CXADR: variants seen among roughly 807,000 people sequenced by gnomAD.
CXADR encodes the protein coxsackievirus and adenovirus receptor.
In CXADR, 20 loss-of-function variants were observed where a neutral mutation model predicts 40.3. The ratio of observed to expected loss-of-function variants is 0.50; its 90% CI spans 0.35 to 0.72. The LOEUF (loss-of-function observed/expected upper bound fraction) is 0.72, where lower values mean the gene tolerates loss of function less well. CXADR is among the 30% of genes least tolerant of loss of function. The pLI is 0.01. For synonymous variants in CXADR, 150 were observed against 161.3 expected, an observed-to-expected ratio of 0.93 and a Z score of 0.53; for missense variants, 332 against 449.1, an observed-to-expected ratio of 0.74 and a Z score of 2.36.
At chr21:17,580,690 T>C (rs2061354125) in intron 7 of CXADR, among the ~76,000 whole-genome samples, 1 of 152,182 alleles carries the variant, frequency 6.6e-6, no homozygotes, top group South Asian at 2.1e-4. Context: ...GACCCTGCAC[T>C]ATTATACTTA....
intron 1 of CXADR, among the ~76,000 whole-genome samples, chr21:17,519,761 C>T (rs1413509770): frequency 6.6e-6 from 1 of 152,018 alleles, no homozygotes; most frequent in Non-Finnish European, 1.5e-5. Flanking sequence ...TTTTCAGCTC[C>T]CAGCCTGGCC....
chr21:17,542,271 T>A (rs2060839701), intron 1 of CXADR, among the ~76,000 whole-genome samples: 1 of 152,222 alleles, frequency 6.6e-6, no homozygotes, highest in African/African-American at 2.4e-5. Context: ...ACCACCTAGG[T>A]TAACAAACAG....
At chr21:17,535,987 G>A (rs560281272) in intron 1 of CXADR, among the ~76,000 whole-genome samples, 2 of 152,262 alleles carry the variant, frequency 1.3e-5, no homozygotes, top group Non-Finnish European at 2.9e-5. Context: ...TAGCCTGGGT[G>A]ACAGAGCCAG....
At chr21:17,596,828 G>A (rs1397320507), downstream of CXADR, among the ~76,000 whole-genome samples, 2 of 152,038 alleles carry the variant, frequency 1.3e-5, no homozygotes, top group Non-Finnish European at 2.9e-5. Context: ...TATTTCAGGA[G>A]AACTGACACA....
chr21:17,539,935 C>T (rs1199554499), intron 1 of CXADR, among the ~76,000 whole-genome samples: 4 of 152,178 alleles, frequency 2.6e-5, no homozygotes, highest in African/African-American at 9.6e-5. Context: ...TCTGCTCAGG[C>T]TGCCGTAACA....
chr21:17,599,909 T>A, the CXADR span, among the ~76,000 whole-genome samples: 1 of 152,200 alleles, frequency 6.6e-6, no homozygotes, highest in Non-Finnish European at 1.5e-5. Flanking sequence ...CTCACAAAAA[T>A]GAGAACTGAG....
intron 7 of CXADR, among the ~76,000 whole-genome samples, chr21:17,587,522 G>C (rs2061406387): frequency 6.6e-6 from 1 of 152,096 alleles, no homozygotes; most frequent in Non-Finnish European, 1.5e-5. Flanking sequence ...GTGTCTTTTG[G>C]CTGCATAAAT....
downstream of CXADR, among the ~76,000 whole-genome samples, chr21:17,597,716 T>C (rs2061522479): frequency 8.4e-6 from 1 of 118,420 alleles, no homozygotes; most frequent in Admixed American, 9.8e-5. Flanking sequence ...CTAGGAAGAA[T>C]AATTCAACTG....
chr21:17,590,641 G>T (rs2061428528), intron 7 of CXADR, among the ~76,000 whole-genome samples: 1 of 152,006 alleles, frequency 6.6e-6, no homozygotes, highest in South Asian at 2.1e-4. Flanking sequence ...GCCTCACAAT[G>T]TTATTGCTTC....
chr21:17,534,944 C>T (rs1262088567), intron 1 of CXADR, among the ~76,000 whole-genome samples: 2 of 152,066 alleles, frequency 1.3e-5, no homozygotes, highest in East Asian at 3.9e-4. Context: ...GCCACCACGC[C>T]AAGCTAATTT....
rs2123333568 is a variant in CXADR at position 17,566,149 on chromosome 21, C to A, written c.*457C>A. 1 of 984,602 alleles carries A rather than the reference C, an allele frequency of 1.0e-6. No individual in the cohort carries two copies. Among genetic ancestry groups the A allele is most frequent in the Non-Finnish European group, 1.2e-6 (1 of 829,120 alleles). 61.0% of individuals were successfully genotyped at this position (984,602 alleles called of 1,614,324 possible). A position where few individuals can be genotyped will look rare whatever the true frequency, so the allele number is the denominator to read the frequency against. ...CTCCCCCAAATTAGTACAGAAATAT[C>A]CATGACAAAATTACTTACGTATGTT... On this transcript the variant is annotated 3_prime_UTR_variant, in exon 7 of 7. Transcript: ENST00000284878.
chr21:17,618,035 C>T, the CXADR span, among the ~76,000 whole-genome samples: 1 of 152,206 alleles, frequency 6.6e-6, no homozygotes, highest in Non-Finnish European at 1.5e-5. Context: ...AGCATCTTCA[C>T]TAAGAGTAGA....
At chr21:17,621,126 T>C in the CXADR span, among the ~76,000 whole-genome samples, 1 of 152,188 alleles carries the variant, frequency 6.6e-6, no homozygotes, top group African/African-American at 2.4e-5. Flanking sequence ...CATTCACATC[T>C]AGCAATCTGG....
exon 8 of CXADR, chr21:17,593,389 G>GT (rs757261158): frequency 2.5e-5 from 10 of 405,930 alleles, no homozygotes; most frequent in Non-Finnish European, 4.2e-5. Context: ...CAAATTCTTT[G>GT]TTAAAAAACC....
chr21:17,594,088 C>T (rs74382701), downstream of CXADR: 7,825 of 1,611,422 alleles, frequency 4.9e-3, 410 homozygotes, highest in East Asian at 0.12. Context: ...CAATCAAAAA[C>T]GAAGTTAGTG....
chr21:17,558,914 C>T, intron 3 of CXADR, 62 bp from the exon 4 acceptor site: 1 of 1,508,242 alleles, frequency 6.6e-7, no homozygotes, highest in Non-Finnish European at 9.0e-7. Context: ...GTGTACAATG[C>T]TGTATTCATA....
chr21:17,588,988 GACTC>G (rs1290248456), intron 7 of CXADR, among the ~76,000 whole-genome samples: 3 of 151,404 alleles, frequency 2.0e-5, no homozygotes, highest in African/African-American at 7.3e-5. Flanking sequence ...TTCTCTATAG[GACTC>G]ACTCCTTTTT....
At chr21:17,546,996 T>A (rs1226470430) in intron 1 of CXADR, 31 bp from the exon 2 acceptor site, 1 of 1,610,172 alleles carries the variant, frequency 6.2e-7, no homozygotes, top group Non-Finnish European at 8.5e-7. Context: ...GTATAGCAAA[T>A]GCTTAGTCCC....
the CXADR span, among the ~76,000 whole-genome samples, chr21:17,620,430 C>T: frequency 6.6e-6 from 1 of 152,066 alleles, no homozygotes; most frequent in Admixed American, 6.6e-5. Flanking sequence ...TTCATGGCAC[C>T]TCATAACAAT....
Sources: allele counts gnomAD v4.1 joint callset (sites outside exome capture counted in the v4.1 genomes callset), GRCh38; gene constraint gnomAD v4.1.1; transcripts MANE v1.5; gene names NCBI Gene and HGNC (gene_info 2026-07-23, HGNC 2026-07-21).